FBLN5: variants seen among roughly 807,000 people sequenced by gnomAD.
FBLN5 encodes fibulin-5.
A neutral mutation model predicts 61.6 loss-of-function variants in FBLN5; 24 were observed. The ratio of observed to expected loss-of-function variants is 0.39; its 90% CI spans 0.28 to 0.55. FBLN5 has a LOEUF of 0.55. FBLN5 is among the 20% of genes least tolerant of loss of function. The pLI, the probability that FBLN5 is intolerant of heterozygous loss-of-function variation, is 0.65. For synonymous variants in FBLN5, 213 were observed against 219.8 expected, an observed-to-expected ratio of 0.97 and a Z score of 0.27; for missense variants, 470 against 594.1, an observed-to-expected ratio of 0.79 and a Z score of 2.17.
chr14:91,936,821 G>T, intron 4 of FBLN5, 126 bp downstream of exon 4: 1 of 1,119,988 alleles, frequency 8.9e-7, no homozygotes. Context: ...AGTATGCAGA[G>T]AGTAAGTCAT....
chr14:91,930,916 G>T (rs1172795154), intron 4 of FBLN5, among the ~76,000 whole-genome samples: 1 of 152,186 alleles, frequency 6.6e-6, no homozygotes, highest in East Asian at 1.9e-4. Flanking sequence ...AGGTTTTGAA[G>T]AATTAGACGT....
chr14:91,912,045 T>A (rs764732324), intron 4 of FBLN5, among the ~76,000 whole-genome samples: 3 of 151,790 alleles, frequency 2.0e-5, no homozygotes, highest in Non-Finnish European at 2.9e-5. Context: ...TGTATACATA[T>A]TAGTTTAATG....
chr14:91,937,706 GC>G (rs915607551), intron 3 of FBLN5, among the ~76,000 whole-genome samples: 12 of 152,158 alleles, frequency 7.9e-5, no homozygotes, highest in African/African-American at 2.9e-4. Flanking sequence ...TCTGCAGAGA[GC>G]CCCCACCAGC....
At chr14:91,880,494 G>A (rs1313270149) in intron 9 of FBLN5, among the ~76,000 whole-genome samples, 4 of 151,686 alleles carry the variant, frequency 2.6e-5, no homozygotes, top group African/African-American at 9.7e-5. Flanking sequence ...ATGAGTAGCG[G>A]AGTGATAGAG....
Position 91,945,273 on chromosome 14 carries a change from T to G in FBLN5, c.17+1940A>C, listed in dbSNP as rs79464307. Among the ~76,000 whole-genome samples, 218 of 151,508 alleles carry G rather than the reference T, an allele frequency of 1.4e-3. 1 individual carries two copies. The East Asian group carries it at 0.037, about 25-fold the overall frequency. ...AAATCTAAACAAAAGCAGAGCGTTA[T>G]CTAGTACTATTATTCAGTTCAACAG... is the stretch of plus-strand genomic sequence containing the variant. On this transcript the variant is annotated intron_variant, in intron 1 of 10. Coordinates refer to ENST00000342058, the MANE Select transcript of FBLN5 (RefSeq NM_006329.4).
intron 6 of FBLN5, among the ~76,000 whole-genome samples, chr14:91,888,798 C>T (rs757929566): frequency 2.6e-5 from 4 of 152,164 alleles, no homozygotes; most frequent in Non-Finnish European, 5.9e-5. Context: ...CACAGCTCAT[C>T]GTGCGGGGAG....
At chr14:91,895,842 T>TGGCA (rs1890202657) in intron 4 of FBLN5, among the ~76,000 whole-genome samples, 1 of 148,226 alleles carries the variant, frequency 6.7e-6, no homozygotes. Flanking sequence ...CAACAGAAGC[T>TGGCA]GGCAGTCCAG....
chr14:91,920,472 A>G (rs1183743256), intron 4 of FBLN5, among the ~76,000 whole-genome samples: 7 of 152,108 alleles, frequency 4.6e-5, no homozygotes, highest in Non-Finnish European at 1.5e-5. Context: ...GCTGAATCTG[A>G]TCTCTTTGCA....
chr14:91,934,290 C>T (rs2055976731), intron 4 of FBLN5, among the ~76,000 whole-genome samples: 1 of 152,214 alleles, frequency 6.6e-6, no homozygotes, highest in Non-Finnish European at 1.5e-5. Context: ...CCTCACTGAG[C>T]CTGTTTTCTC....
intron 3 of FBLN5, chr14:91,938,558 C>T (rs2056057200): frequency 6.6e-6 from 1 of 152,386 alleles, no homozygotes; most frequent in African/African-American, 2.4e-5. Context: ...TTCAAGTCAG[C>T]TCTGTGCCAG....
intron 6 of FBLN5, among the ~76,000 whole-genome samples, chr14:91,888,200 G>A (rs1394669916): frequency 2.0e-5 from 3 of 152,124 alleles, no homozygotes; most frequent in African/African-American, 7.2e-5. Context: ...CCGGGAGGCT[G>A]AGGAGGGAGA....
At chr14:91,919,386 A>AAGGAAGG (rs1566819967) in intron 4 of FBLN5, among the ~76,000 whole-genome samples, 20 of 94,848 alleles carry the variant, frequency 2.1e-4, no homozygotes, top group Admixed American at 3.5e-4. Context: ...GAAAAGAAAG[A>AAGGAAGG]AAGAAAGGAA....
chr14:91,934,910 A>G (rs2055987634), intron 4 of FBLN5, among the ~76,000 whole-genome samples: 1 of 150,808 alleles, frequency 6.6e-6, no homozygotes, highest in African/African-American at 2.4e-5. Flanking sequence ...ACTTCCCCCC[A>G]CCCCCACAAT....
chr14:91,927,513 T>A (rs544467158), intron 4 of FBLN5, among the ~76,000 whole-genome samples: 1 of 152,348 alleles, frequency 6.6e-6, no homozygotes, highest in East Asian at 1.9e-4. Flanking sequence ...TGAAAAGAAA[T>A]CTAAAACTAG....
intron 1 of FBLN5, chr14:91,946,798 G>T: frequency 1.3e-6 from 2 of 1,535,698 alleles, no homozygotes; most frequent in Non-Finnish European, 1.7e-6. Flanking sequence ...CCAGCCCCGC[G>T]GTGTTCAGCT....
intron 5 of FBLN5, among the ~76,000 whole-genome samples, chr14:91,893,176 T>A (rs1419095197): frequency 6.6e-6 from 1 of 152,238 alleles, no homozygotes; most frequent in Non-Finnish European, 1.5e-5. Flanking sequence ...AAAATGTTCT[T>A]TCTCTATGAG....
In FBLN5 at chr14:91,877,670, A is replaced by G. The variant is rs1350663352; in HGVS notation, c.1002T>C (p.Cys334=). The G allele has an allele frequency of 1.9e-6, 3 of 1,614,048 alleles. No individual in the cohort carries two copies. The highest frequency in any genetic ancestry group is 8.5e-7 in the Non-Finnish European group (1 of 1,179,902). ...CTCTGCAGCCAGGGTTCTCAGCAGG[A>G]CACATACAGCGGCTGTGGAAAGGGA... is the stretch of plus-strand genomic sequence containing the variant. ...YLRISDNRCM[C]PAENPGCRDQ... is the part of the protein sequence containing the mutation. The change falls in exon 10 of 11, where the codon TGT becomes TGC. Residue 334 remains cysteine, a synonymous_variant. Transcript: ENST00000342058.
At chr14:91,896,949 A>G (rs924075534) in intron 4 of FBLN5, among the ~76,000 whole-genome samples, 1 of 152,164 alleles carries the variant, frequency 6.6e-6, no homozygotes, top group Non-Finnish European at 1.5e-5. Context: ...GAGCTTCAGT[A>G]AAACGTTCAA....
chr14:91,877,912 T>A (rs1362182946), intron 9 of FBLN5: 2 of 627,132 alleles, frequency 3.2e-6, no homozygotes, highest in Non-Finnish European at 5.9e-6. Flanking sequence ...TTCTGGCTAC[T>A]AAATAGAATA....
Sources: gnomAD v4.1 joint callset for allele counts (sites outside exome capture counted in the v4.1 genomes callset) on GRCh38, gnomAD v4.1.1 for gene constraint, MANE v1.5 for transcripts, NCBI Gene and HGNC (gene_info 2026-07-23, HGNC 2026-07-21) for gene names.